The following ENG variants were observed in gnomAD, a reference collection of about 807,000 sequenced individuals.
ENG encodes the protein CD105 antigen.
Under a neutral mutation model 71.0 loss-of-function variants are expected in ENG, and 17 were observed. The ratio of observed to expected loss-of-function variants is 0.24; its 90% CI spans 0.16 to 0.36. The LOEUF (loss-of-function observed/expected upper bound fraction) is 0.36, where lower values mean the gene tolerates loss of function less well. ENG is among the 10% of genes least tolerant of loss of function. ENG has a pLI of 1.00. For missense variants in ENG, 749 were observed against 868.3 expected, an observed-to-expected ratio of 0.86 and a Z score of 1.73; for synonymous variants, 360 against 366.9, an observed-to-expected ratio of 0.98 and a Z score of 0.21.
chr9:127,830,272 G>A (rs1176576512), intron 2 of ENG, among the ~76,000 whole-genome samples: 2 of 151,152 alleles, frequency 1.3e-5, no homozygotes, highest in Non-Finnish European at 2.9e-5. Flanking sequence ...AACCCTGGGG[G>A]CAGAGGTGGC....
intron 12 of ENG, chr9:127,817,713 C>G (rs1191617236): frequency 2.4e-5 from 9 of 367,392 alleles, no homozygotes; most frequent in South Asian, 2.0e-4. Flanking sequence ...CTGGCAAATA[C>G]AGAAAGCCAG....
At chr9:127,844,569 A>G (rs1427090696) in intron 1 of ENG, among the ~76,000 whole-genome samples, 1 of 152,094 alleles carries the variant, frequency 6.6e-6, no homozygotes, top group Non-Finnish European at 1.5e-5. Flanking sequence ...AGCTGGAACT[A>G]TAGGCATGCA....
chr9:127,829,919 C>T (rs1468360655), intron 2 of ENG, 92 bp from the exon 3 acceptor site: 4 of 1,567,180 alleles, frequency 2.6e-6, no homozygotes, highest in East Asian at 2.2e-5. Flanking sequence ...GATGCTTCCA[C>T]TCCACTCTCC....
In ENG at chr9:127,854,347, G is replaced by C. The variant is rs752431673; in HGVS notation, c.9C>G (p.Arg3=). ...GGGCAACAGCCAGAGGGAGCGTGCC[G>C]CGGTCCATGCTGTCCACGTGGGGGC... is the stretch of plus-strand genomic sequence containing the variant. MD[R]GTLPLAVALL... Residue 3 remains arginine (R), a synonymous_variant, in exon 1 of 15, where the codon CGC becomes CGG. Transcript: ENST00000373203. The C allele has an allele frequency of 1.9e-6, 3 of 1,590,958 alleles. No individual in the cohort carries two copies. In the South Asian group the frequency reaches 3.4e-5, roughly 18 times the overall value.
rs75834649 is a variant in ENG at position 127,816,461 on chromosome 9, G to A, written c.1742-408C>T. The A allele has an allele frequency of 9.1e-3, 3,026 of 333,944 alleles. 26 individuals are homozygous for A. Among genetic ancestry groups the A allele is most frequent in the Non-Finnish European group, 0.012 (1,998 of 170,526 alleles). 20.7% of individuals were successfully genotyped at this position (333,944 alleles called of 1,614,324 possible). On this transcript the variant is annotated intron_variant, in intron 13 of 14. Coordinates refer to ENST00000373203, the MANE Select transcript of ENG (RefSeq NM_001114753.3). ...AGAGAATGGGCCAGAGCAGCTCCGAGTGCCCTGCAGCTCTGCTCTTGGATT... is the reference window on the plus strand; with the variant it reads ...AGAGAATGGGCCAGAGCAGCTCCGAATGCCCTGCAGCTCTGCTCTTGGATT...
chr9:127,851,838 A>T (rs985335897), intron 1 of ENG, among the ~76,000 whole-genome samples: 1 of 152,132 alleles, frequency 6.6e-6, no homozygotes. Context: ...AGATTGTGCC[A>T]TTGCACTGCA....
In ENG at chr9:127,846,530, T is replaced by G. The variant is rs1162177748; in HGVS notation, c.68-3285A>C. On this transcript the variant is annotated intron_variant, in intron 1 of 14. Transcript: ENST00000373203. This position sits in a 1 kb window ranked among gnomAD's most constrained non-coding sequence, Gnocchi z 5.5. ...ATTGCTGGGGCCGCCTGGGGCCGCC[T>G]CCTCCATGCCGTCAGCCAGCGGGAG... is the stretch of plus-strand genomic sequence containing the variant. 6.6e-6 allele frequency among the ~76,000 whole-genome samples: 1 copy of G among 152,058 alleles called. No individual in the cohort carries two copies. Among genetic ancestry groups the G allele is most frequent in the Non-Finnish European group, 1.5e-5 (1 of 68,010 alleles).
chr9:127,830,071 G>A (rs1026390849), intron 2 of ENG, among the ~76,000 whole-genome samples: 43 of 152,142 alleles, frequency 2.8e-4, no homozygotes, highest in Non-Finnish European at 5.9e-4. Context: ...GCTGGGCACG[G>A]TGGCTCACGT....
intron 13 of ENG, chr9:127,816,751 G>T (rs554071556): frequency 1.8e-5 from 6 of 337,028 alleles, no homozygotes; most frequent in African/African-American, 4.3e-5. Context: ...CTGATGGAGA[G>T]GCTAGAGGGG....
rs572041096 is a variant in ENG, at chr9:127,836,006, G to A, written c.220-6179C>T. 1.6e-4 allele frequency among the ~76,000 whole-genome samples: 25 copies of A among 152,300 alleles called. 1 individual carries two copies. Among genetic ancestry groups the A allele is most frequent in the African/African-American group, 6.0e-4 (25 of 41,562 alleles). ...GGGGGGCTGGAAAGCTGGGTGCTCA[G>A]GTTCTCTGAGCTGCAGGGCCAAGCT... On this transcript the variant is annotated intron_variant, in intron 2 of 14. Transcript: ENST00000373203. The surrounding 1 kb of genome is among the most constrained non-coding windows in gnomAD (Gnocchi z 4.0).
chr9:127,818,427 A>G, intron 11 of ENG, 50 bp from the exon 12 acceptor site: 2 of 1,605,250 alleles, frequency 1.2e-6, no homozygotes, highest in Non-Finnish European at 8.5e-7. Flanking sequence ...TCTTCACCCC[A>G]CCCCACCTGC....
At chr9:127,818,469 C>T in intron 11 of ENG, 92 bp from the exon 12 acceptor site, 2 of 1,572,376 alleles carry the variant, frequency 1.3e-6, no homozygotes, top group African/African-American at 1.3e-5. Context: ...ATTAAGAGTT[C>T]CCACCCCTGA....
chr9:127,819,566 C>G (rs1830422592), intron 10 of ENG, 56 bp downstream of exon 10: 3 of 1,610,966 alleles, frequency 1.9e-6, no homozygotes, highest in African/African-American at 1.3e-5. Context: ...GGAAGAGGCC[C>G]CGGCCCAGCA....
intron 7 of ENG, 133 bp downstream of exon 7, chr9:127,824,667 T>A (rs1318868547): frequency 8.6e-7 from 1 of 1,160,256 alleles, no homozygotes; most frequent in Non-Finnish European, 1.2e-6. Flanking sequence ...TGTTCCCATG[T>A]GCAGATGAGA....
intron 3 of ENG, among the ~76,000 whole-genome samples, chr9:127,827,413 C>T (rs1376066204): frequency 1.3e-5 from 2 of 152,166 alleles, no homozygotes; most frequent in Non-Finnish European, 2.9e-5. Flanking sequence ...TGGGTGGCTT[C>T]AGCATCTCAC....
At chr9:127,816,773 G>A in intron 13 of ENG, 1 of 364,068 alleles carries the variant, frequency 2.7e-6, no homozygotes, top group Middle Eastern at 9.2e-4. Context: ...CGTCCTGCAG[G>A]GAGAGGCCTC....
chr9:127,827,462 G>C (rs1255004908), intron 3 of ENG, among the ~76,000 whole-genome samples: 1 of 152,086 alleles, frequency 6.6e-6, no homozygotes, highest in East Asian at 1.9e-4. Flanking sequence ...ATGGGGGTTG[G>C]GGGTGAGGAG....
chr9:127,839,135 C>T lies in ENG; in HGVS notation c.219+3959G>A, dbSNP rs865887953. On this transcript the variant is annotated intron_variant, in intron 2 of 14. Transcript: ENST00000373203. ...GACACCAGGGGCCTTTTCCCTAACG[C>T]CCCTCCCTCCTCTACCTTCAGTGCT... 4.5e-4 allele frequency among the ~76,000 whole-genome samples: 68 copies of T among 152,180 alleles called. 1 individual carries two copies. Among genetic ancestry groups the T allele is most frequent in the African/African-American group, 1.6e-3 (68 of 41,418 alleles).
In ENG at chr9:127,825,780, C is replaced by G; in HGVS notation, c.604G>C (p.Ala202Pro). The change falls in exon 5 of 15, where the codon GCC (alanine) becomes CCC (proline). Residue 202 changes from alanine to proline, a missense_variant. Transcript: ENST00000373203. ...TCCAAGTGGCAGCCCCGGACCAAGG[C>G]TGGAGTACGCGGCCGCCACTCGAGC... ...RTLEWRPRTP[A>P]LVRGCHLEGV... 1.3e-6 allele frequency: 2 copies of G among 1,595,930 alleles called. No homozygotes were observed. Among genetic ancestry groups the G allele is most frequent in the Non-Finnish European group, 8.5e-7 (1 of 1,172,692 alleles).
Sources: gnomAD v4.1 joint callset for allele counts (sites outside exome capture counted in the v4.1 genomes callset) on GRCh38, gnomAD v4.1.1 for gene constraint, Gnocchi (gnomAD v3.1) non-coding constraint, MANE v1.5 for transcripts, NCBI Gene and HGNC (gene_info 2026-07-23, HGNC 2026-07-21) for gene names.